The following RANBP17 variants were observed in gnomAD, a reference collection of about 807,000 sequenced individuals.
RANBP17 encodes the protein RAN binding protein 17.
In RANBP17, 158 loss-of-function variants were observed where a neutral mutation model predicts 141.2. The observed-to-expected ratio is 1.12, with a 90% CI of 0.98 to 1.28. The LOEUF (loss-of-function observed/expected upper bound fraction) is 1.28. Ranked by LOEUF, RANBP17 falls within the 50% of genes most tolerant of loss-of-function variation. The pLI, the probability that RANBP17 is intolerant of heterozygous loss-of-function variation, is 0.00. For missense variants in RANBP17, 1,438 were observed against 1,290.7 expected, an observed-to-expected ratio of 1.11 and a Z score of -1.75; for synonymous variants, 430 against 450.0, an observed-to-expected ratio of 0.96 and a Z score of 0.56.
chr5:170,979,840 A>G (rs1216321105), intron 14 of RANBP17, among the ~76,000 whole-genome samples: 2 of 152,234 alleles, frequency 1.3e-5, no homozygotes, highest in East Asian at 1.9e-4. Flanking sequence ...GGAGTGGGAC[A>G]TTGCTGAAAA....
chr5:171,151,622 C>T (rs1445487087), intron 14 of RANBP17, among the ~76,000 whole-genome samples: 1 of 152,096 alleles, frequency 6.6e-6, no homozygotes, highest in Admixed American at 6.5e-5. Context: ...GGTTAATGGT[C>T]ATTGGTGGAA....
intron 13 of RANBP17, among the ~76,000 whole-genome samples, chr5:170,956,243 A>G (rs17073147): frequency 0.026 from 4,023 of 151,934 alleles, 173 homozygotes; most frequent in African/African-American, 0.091. Context: ...ATTGTTATAT[A>G]TTTTTACCCT....
chr5:171,282,659 T>C (rs532910265), intron 25 of RANBP17, among the ~76,000 whole-genome samples: 2 of 152,214 alleles, frequency 1.3e-5, no homozygotes, highest in East Asian at 3.9e-4. Flanking sequence ...TTTGTATTTT[T>C]AGTAGAGACG....
At chr5:170,947,332 G>A (rs1037447670) in intron 12 of RANBP17, among the ~76,000 whole-genome samples, 2 of 151,942 alleles carry the variant, frequency 1.3e-5, no homozygotes, top group Admixed American at 6.6e-5. Context: ...CGTTGTTTTA[G>A]GCTCTGGAGA....
chr5:170,863,303 C>T (rs1165245581), intron 1 of RANBP17, among the ~76,000 whole-genome samples: 1 of 152,074 alleles, frequency 6.6e-6, no homozygotes, highest in Non-Finnish European at 1.5e-5. Flanking sequence ...GGAGATGACC[C>T]CAGGGAGGGA....
At chr5:171,210,860 C>T (rs1025916641) in intron 20 of RANBP17, among the ~76,000 whole-genome samples, 1 of 151,922 alleles carries the variant, frequency 6.6e-6, no homozygotes, top group African/African-American at 2.4e-5. Context: ...GAAATATTAG[C>T]CGGGCATGGT....
At chr5:171,057,746 T>G (rs893549288) in intron 14 of RANBP17, among the ~76,000 whole-genome samples, 1 of 149,724 alleles carries the variant, frequency 6.7e-6, no homozygotes, top group Non-Finnish European at 1.5e-5. Context: ...GAAGGCACCT[T>G]CTTCATAGGG....
At chr5:171,187,481 A>G (rs1450326788) in intron 18 of RANBP17, among the ~76,000 whole-genome samples, 1 of 152,172 alleles carries the variant, frequency 6.6e-6, no homozygotes, top group East Asian at 1.9e-4. Context: ...AAGCACAATA[A>G]AACAAGGTAT....
chr5:171,221,701 A>C (rs1159009242), intron 21 of RANBP17, 57 bp from the exon 22 acceptor site: 1 of 951,680 alleles, frequency 1.1e-6, no homozygotes, highest in Non-Finnish European at 1.7e-6. Flanking sequence ...GGCATTTTAA[A>C]TCTGTGTTTG....
intron 14 of RANBP17, among the ~76,000 whole-genome samples, chr5:171,112,234 G>T (rs1755289112): frequency 6.6e-6 from 1 of 152,100 alleles, no homozygotes; most frequent in African/African-American, 2.4e-5. Context: ...AACTTTGCTT[G>T]TGGGCATAGA....
At chr5:170,947,543 A>G (rs1774862552) in intron 12 of RANBP17, among the ~76,000 whole-genome samples, 1 of 152,208 alleles carries the variant, frequency 6.6e-6, no homozygotes, top group African/African-American at 2.4e-5. Context: ...TTAATGGCTT[A>G]TCAGGTAACA....
Position 171,299,840 on chromosome 5 carries a change from A to C in RANBP17, c.*982A>C, listed in dbSNP as rs1384273014. ...AGAAGACCTTTACAGTTTGTGCTCT[A>C]CTGTTACTAGGCTATTAATTTGAGA... On this transcript the variant is annotated 3_prime_UTR_variant, in exon 28 of 28. Transcript: ENST00000523189. The C allele has an allele frequency of 9.1e-6, 2 of 220,332 alleles. No homozygotes were observed. The highest frequency in any genetic ancestry group is 5.8e-5 in the Admixed American group (1 of 17,326). The allele number at this position is 220,332 out of a possible 1,614,324, so 13.6% of individuals were successfully genotyped here.
chr5:171,191,075 T>C (rs1761600284), intron 18 of RANBP17, among the ~76,000 whole-genome samples: 1 of 152,182 alleles, frequency 6.6e-6, no homozygotes. Flanking sequence ...AAAGAGATAG[T>C]TCTATCTTTA....
chr5:171,290,501 A>G (rs1768430689), intron 25 of RANBP17, among the ~76,000 whole-genome samples: 1 of 152,236 alleles, frequency 6.6e-6, no homozygotes, highest in Admixed American at 6.5e-5. Flanking sequence ...TGGGGAATGA[A>G]CAGAGATACA....
At chr5:171,044,063 C>T (rs1456459259) in intron 14 of RANBP17, among the ~76,000 whole-genome samples, 2 of 152,116 alleles carry the variant, frequency 1.3e-5, no homozygotes, top group Non-Finnish European at 2.9e-5. Context: ...ATTACACACA[C>T]ATGTATTTCC....
chr5:171,228,821 G>T (rs747671495), intron 22 of RANBP17, among the ~76,000 whole-genome samples: 1 of 152,002 alleles, frequency 6.6e-6, no homozygotes, highest in African/African-American at 2.4e-5. Flanking sequence ...GCAATTTTTA[G>T]CAATAAAACA....
chr5:170,919,380 T>C (rs1450335464), intron 10 of RANBP17, 61 bp from the exon 11 acceptor site: 2 of 1,146,930 alleles, frequency 1.7e-6, no homozygotes, highest in Non-Finnish European at 2.4e-6. Flanking sequence ...AATTTTATTC[T>C]GTAATTCTTA....
chr5:171,229,264 C>A (rs566822727), intron 22 of RANBP17, among the ~76,000 whole-genome samples: 14 of 152,332 alleles, frequency 9.2e-5, no homozygotes, highest in Middle Eastern at 6.8e-3. Context: ...ATGATCAACA[C>A]CTTGGGATCC....
At chr5:171,107,945 C>G (rs888457801) in intron 14 of RANBP17, among the ~76,000 whole-genome samples, 3 of 152,182 alleles carry the variant, frequency 2.0e-5, no homozygotes, top group African/African-American at 7.2e-5. Flanking sequence ...ACAGAGCAAT[C>G]AGTTTCAGGT....
Sources: allele counts gnomAD v4.1 joint callset (sites outside exome capture counted in the v4.1 genomes callset), GRCh38; gene constraint gnomAD v4.1.1; transcripts MANE v1.5; gene names NCBI Gene and HGNC (gene_info 2026-07-23, HGNC 2026-07-21).